The following XRCC4 variants were observed in gnomAD, a reference collection of about 807,000 sequenced individuals.
The protein encoded by XRCC4 is DNA repair protein XRCC4.
In XRCC4, 28 loss-of-function variants were observed where a neutral mutation model predicts 39.1. The ratio of observed to expected loss-of-function variants is 0.72; its 90% confidence interval spans 0.53 to 0.98. The LOEUF (loss-of-function observed/expected upper bound fraction) is 0.98, where lower values mean the gene tolerates loss of function less well. Among genes scored for constraint, XRCC4 ranks in the 50% least tolerant of loss-of-function variants. XRCC4 has a pLI of 0.00. For synonymous variants in XRCC4, 123 were observed against 126.4 expected, an observed-to-expected ratio of 0.97 and a Z score of 0.18; for missense variants, 350 against 376.4, an observed-to-expected ratio of 0.93 and a Z score of 0.58.
At chr5:83,166,282 C>A (rs1185125935) in intron 3 of XRCC4, among the ~76,000 whole-genome samples, 1 of 152,068 alleles carries the variant, frequency 6.6e-6, no homozygotes, top group East Asian at 1.9e-4. Context: ...AATGAACATA[C>A]ATGTGCATTT....
chr5:83,078,665 A>G (rs1319851551), intron 1 of XRCC4, among the ~76,000 whole-genome samples: 2 of 152,256 alleles, frequency 1.3e-5, no homozygotes, highest in African/African-American at 4.8e-5. Context: ...TGAGTCTGTT[A>G]TATTGAATTG....
At chr5:83,241,784 A>T (rs1352415368) in intron 6 of XRCC4, among the ~76,000 whole-genome samples, 1 of 152,198 alleles carries the variant, frequency 6.6e-6, no homozygotes, top group Non-Finnish European at 1.5e-5. Flanking sequence ...TGTACTATAT[A>T]CTATTATATA....
At chr5:83,264,422 T>G (rs1166456208) in intron 7 of XRCC4, among the ~76,000 whole-genome samples, 1 of 152,182 alleles carries the variant, frequency 6.6e-6, no homozygotes. Flanking sequence ...CCTATGTTTT[T>G]ATTATTAATG....
chr5:83,313,140 G>T (rs1417549179), intron 7 of XRCC4, among the ~76,000 whole-genome samples: 2 of 149,180 alleles, frequency 1.3e-5, no homozygotes, highest in Admixed American at 1.3e-4. Context: ...CAAAAACCAT[G>T]GTATAGAAAA....
intron 6 of XRCC4, among the ~76,000 whole-genome samples, chr5:83,212,900 C>A: frequency 1.4e-5 from 2 of 145,066 alleles, no homozygotes. Flanking sequence ...GCACTCCAGC[C>A]TGGGAGACAG....
chr5:83,193,691 C>A (rs16900209), intron 3 of XRCC4, among the ~76,000 whole-genome samples: 2,281 of 152,128 alleles, frequency 0.015, 75 homozygotes, highest in African/African-American at 0.052. Context: ...ATTCTTTATC[C>A]TTTTGGCATT....
chr5:83,353,083 C>T, intron 7 of XRCC4, 48 bp from the exon 8 acceptor site: 2 of 1,439,672 alleles, frequency 1.4e-6, no homozygotes, highest in Non-Finnish European at 1.9e-6. Flanking sequence ...TACTCTATAA[C>T]AGAAGTTTTT....
At chr5:83,225,936 C>G (rs1045295984) in intron 6 of XRCC4, among the ~76,000 whole-genome samples, 1 of 152,004 alleles carries the variant, frequency 6.6e-6, no homozygotes, top group South Asian at 2.1e-4. Context: ...TGCCTCTGCT[C>G]TCAGAGCTAG....
intron 4 of XRCC4, among the ~76,000 whole-genome samples, chr5:83,198,502 A>G (rs996626106): frequency 6.6e-6 from 1 of 152,208 alleles, no homozygotes; most frequent in Non-Finnish European, 1.5e-5. Context: ...TTTGCAAAAA[A>G]ATATATTTAT....
chr5:83,328,376 A>G (rs1485526436), intron 7 of XRCC4, among the ~76,000 whole-genome samples: 1 of 152,136 alleles, frequency 6.6e-6, no homozygotes, highest in Non-Finnish European at 1.5e-5. Flanking sequence ...AATTCAAAAG[A>G]ATCTATAGGT....
At chr5:83,120,995 CATT>C (rs1746983646) in intron 3 of XRCC4, among the ~76,000 whole-genome samples, 1 of 152,188 alleles carries the variant, frequency 6.6e-6, no homozygotes. Flanking sequence ...AGATTTCTGT[CATT>C]ATAGATTGGT....
At chr5:83,127,886 T>A (rs912897631) in intron 3 of XRCC4, among the ~76,000 whole-genome samples, 1 of 152,002 alleles carries the variant, frequency 6.6e-6, no homozygotes, top group Non-Finnish European at 1.5e-5. Context: ...TTGACTTTTT[T>A]TTTTTTTTTC....
chr5:83,248,134 T>TC (rs1753178115), intron 6 of XRCC4, among the ~76,000 whole-genome samples: 1 of 152,136 alleles, frequency 6.6e-6, no homozygotes, highest in African/African-American at 2.4e-5. Flanking sequence ...GAATACTCTT[T>TC]CTGGCATAAG....
chr5:83,240,144 G>T (rs762038836), intron 6 of XRCC4, among the ~76,000 whole-genome samples: 12 of 151,996 alleles, frequency 7.9e-5, no homozygotes, highest in Non-Finnish European at 1.5e-4. Context: ...ACTCCACTTC[G>T]GGCTGTGTGA....
Position 83,111,093 on chromosome 5 carries a change from G to A in XRCC4, c.205G>A (p.Glu69Lys), listed in dbSNP as rs1478505961. 1 of 1,611,992 alleles carries A rather than the reference G, an allele frequency of 6.2e-7. No homozygotes were observed. Residue 69 changes from glutamate (E) to lysine (K), a missense_variant, in exon 3 of 8, where the codon GAA becomes AAA. Physicochemically the swap from Glu to Lys is moderately conservative, Grantham distance 56. Transcript: ENST00000396027. ...AATGGAAAAAGGGAAATATGTTGGT[G>A]AACTGAGAAAAGCATTGTTGTCAGG... ...MAMEKGKYVG[E>K]LRKALLSGAG...
At position 83,100,762 on chromosome 5, in the gene XRCC4, A is replaced by T. The variant is rs150458170; in HGVS notation, c.-10-4148A>T. On this transcript the variant is annotated intron_variant, in intron 1 of 7. Coordinates refer to ENST00000396027, the MANE Select transcript of XRCC4 (RefSeq NM_003401.5). ...GTTTTGAGCCAATTAGAATTATGTA[A>T]GCCTTGAACTATATGTCTTTTTCAA... Among the ~76,000 whole-genome samples, 443 of 149,016 alleles carry T rather than the reference A, an allele frequency of 3.0e-3. 1 individual carries two copies. Among genetic ancestry groups the T allele is most frequent in the Non-Finnish European group, 4.6e-3 (309 of 66,578 alleles).
At chr5:83,248,016 AT>A (rs1386729159) in intron 6 of XRCC4, among the ~76,000 whole-genome samples, 1 of 152,144 alleles carries the variant, frequency 6.6e-6, no homozygotes, top group Non-Finnish European at 1.5e-5. Flanking sequence ...AGACTTTGGA[AT>A]AGCGAAGCCC....
At chr5:83,244,198 A>G (rs1753015728) in intron 6 of XRCC4, among the ~76,000 whole-genome samples, 1 of 150,172 alleles carries the variant, frequency 6.7e-6, no homozygotes, top group South Asian at 2.1e-4. Flanking sequence ...TTTCTTCTTT[A>G]TGGGTCACAT....
chr5:83,245,848 G>A (rs1333871297), intron 6 of XRCC4, among the ~76,000 whole-genome samples: 1 of 143,412 alleles, frequency 7.0e-6, no homozygotes, highest in Non-Finnish European at 1.5e-5. Flanking sequence ...CCCTCCATCT[G>A]TACTTTTAAT....
Sources: gnomAD v4.1 joint callset for allele counts (sites outside exome capture counted in the v4.1 genomes callset) on GRCh38, gnomAD v4.1.1 for gene constraint, MANE v1.5 for transcripts, NCBI Gene and HGNC (gene_info 2026-07-23, HGNC 2026-07-21) for gene names.